Variants in PACSIN2 observed in about 807,000 individuals in gnomAD.
The protein encoded by PACSIN2 is protein kinase C and casein kinase substrate in neurons protein 2.
In PACSIN2, 25 loss-of-function variants were observed where a neutral mutation model predicts 63.8. The observed-to-expected ratio is 0.39, with a 90% CI of 0.29 to 0.55. The LOEUF is 0.55. PACSIN2 is among the 20% of genes least tolerant of loss of function. The probability of loss-of-function intolerance (pLI) is 0.62; values close to 1 mark genes in which losing one functional copy is unlikely to be tolerated. For missense variants in PACSIN2, 518 were observed against 646.9 expected (o/e 0.80, Z 2.16); for synonymous variants, 255 against 256.2 (o/e 1.00, Z 0.05).
intron 1 of PACSIN2, among the ~76,000 whole-genome samples, chr22:42,995,130 A>G (rs968564607): frequency 2.6e-5 from 4 of 152,220 alleles, no homozygotes; most frequent in African/African-American, 9.6e-5. Context: ...AAGACTGGAC[A>G]CTGCAACGTT....
intron 1 of PACSIN2, among the ~76,000 whole-genome samples, chr22:42,937,449 G>A (rs183907499): frequency 6.2e-4 from 94 of 152,228 alleles, no homozygotes; most frequent in Non-Finnish European, 1.1e-3. Context: ...GGGCACCGAA[G>A]ACAAAACAAA....
rs1274097775 is a variant in PACSIN2 at position 42,876,144 on chromosome 22, G to T, written c.1341C>A (p.Phe447Leu). ...YEGQEHDELSFKAGDELTKME... is the reference protein window; with the variant it reads ...YEGQEHDELSLKAGDELTKME... ...CTGGGGGAGCCCACCTACCAGCCTT[G>T]AAGCTCAGCTCATCATGCTCCTGCC... The change falls in exon 10 of 11, where the codon TTC (phenylalanine) becomes TTA (leucine). Residue 447 changes from phenylalanine to leucine, a missense_variant. Physicochemically the swap from Phe to Leu is conservative, Grantham distance 22. Around this residue, in one of 2 missense-constraint regions of PACSIN2, gnomAD observed 507 missense variants for 612.3 expected, o/e 0.83. Transcript: ENST00000263246. The T allele has an allele frequency of 9.9e-6, 16 of 1,609,758 alleles. No homozygotes were observed. Among genetic ancestry groups the T allele is most frequent in the African/African-American group, 1.3e-5 (1 of 74,872 alleles).
At chr22:42,892,126 TC>T (rs149324326) in intron 3 of PACSIN2, among the ~76,000 whole-genome samples, 84 of 151,898 alleles carry the variant, frequency 5.5e-4, no homozygotes, top group African/African-American at 1.9e-3. Flanking sequence ...CTGTTCTCAG[TC>T]CCCGAGGCTC....
chr22:43,001,832 A>T (rs754809988), intron 1 of PACSIN2, among the ~76,000 whole-genome samples: 1 of 152,174 alleles, frequency 6.6e-6, no homozygotes, highest in Non-Finnish European at 1.5e-5. Context: ...TAGGGAGGGG[A>T]CCCAGGGGTA....
At chr22:42,909,636 G>T in intron 2 of PACSIN2, 1 of 469,804 alleles carries the variant, frequency 2.1e-6, no homozygotes, top group Admixed American at 2.4e-5. Context: ...GGCAAAAGGA[G>T]ATGTTCTTGT....
chr22:42,871,125 G>A lies in PACSIN2; in HGVS notation c.*232C>T. On this transcript the variant is annotated 3_prime_UTR_variant, in exon 11 of 11. Coordinates refer to ENST00000263246, the MANE Select transcript of PACSIN2 (RefSeq NM_001184970.3). The surrounding 1 kb of genome is among the most constrained non-coding windows in gnomAD (Gnocchi z 5.4). ...CCAACAGGCACAGTGGGCGGGGAGG[G>A]GCGGCTATTTCTGTTGTTCTGCGTC... is the stretch of plus-strand genomic sequence containing the variant. The A allele has an allele frequency of 1.8e-6, 1 of 567,536 alleles. No individual in the cohort carries two copies. The highest frequency in any genetic ancestry group is 2.1e-5 in the South Asian group (1 of 48,566). The allele number at this position is 567,536 out of a possible 1,614,324, so 35.2% of individuals were successfully genotyped here. A position where few individuals can be genotyped will look rare whatever the true frequency, so the allele number is the denominator to read the frequency against.
intron 1 of PACSIN2, among the ~76,000 whole-genome samples, chr22:42,925,004 A>ACC (rs1932446226): frequency 6.6e-6 from 1 of 151,508 alleles, no homozygotes; most frequent in Non-Finnish European, 1.5e-5. Context: ...TGATCGGCCC[A>ACC]AAGTGCTGGG....
chr22:42,907,023 G>A (rs1931121773), intron 2 of PACSIN2, among the ~76,000 whole-genome samples: 1 of 152,172 alleles, frequency 6.6e-6, no homozygotes, highest in African/African-American at 2.4e-5. Flanking sequence ...GAGCAGTCAG[G>A]GAAGGCTCTT....
At chr22:42,892,421 G>T (rs1429365430) in intron 3 of PACSIN2, among the ~76,000 whole-genome samples, 1 of 152,162 alleles carries the variant, frequency 6.6e-6, no homozygotes, top group Non-Finnish European at 1.5e-5. Flanking sequence ...GTGCCTTCGT[G>T]TCTACAAAAT....
chr22:42,909,768 T>C (rs952340755), intron 2 of PACSIN2, among the ~76,000 whole-genome samples: 2 of 152,250 alleles, frequency 1.3e-5, no homozygotes, highest in African/African-American at 4.8e-5. Flanking sequence ...CACCTGAATG[T>C]TTTTTAACAA....
intron 1 of PACSIN2, among the ~76,000 whole-genome samples, chr22:42,928,191 G>A (rs1017208517): frequency 6.6e-5 from 10 of 152,222 alleles, no homozygotes; most frequent in African/African-American, 2.4e-4. Context: ...AACACACCCG[G>A]AGAGGCATAG....
chr22:42,890,563 CAA>C (rs1929831207), intron 4 of PACSIN2, among the ~76,000 whole-genome samples: 1 of 152,098 alleles, frequency 6.6e-6, no homozygotes, highest in African/African-American at 2.4e-5. Context: ...ACTAAAAATA[CAA>C]AAATTAGCAG....
chr22:42,882,090 A>C, intron 7 of PACSIN2, 94 bp downstream of exon 7: 1 of 1,430,456 alleles, frequency 7.0e-7, no homozygotes, highest in Non-Finnish European at 9.8e-7. Context: ...AAACACTAAC[A>C]TAGAGTCTAG....
chr22:42,904,267 G>T (rs780684858), intron 2 of PACSIN2, among the ~76,000 whole-genome samples: 1 of 152,226 alleles, frequency 6.6e-6, no homozygotes, highest in African/African-American at 2.4e-5. Context: ...CCTACATGGC[G>T]TTCACATGCA....
At chr22:42,949,493 C>G (rs1422785667) in intron 1 of PACSIN2, among the ~76,000 whole-genome samples, 6 of 152,062 alleles carry the variant, frequency 3.9e-5, no homozygotes, top group African/African-American at 1.4e-4. Flanking sequence ...TTTTGTGATG[C>G]TAGCTGCCTA....
intron 1 of PACSIN2, among the ~76,000 whole-genome samples, chr22:42,967,143 C>T (rs921115553): frequency 2.0e-5 from 3 of 152,048 alleles, no homozygotes; most frequent in African/African-American, 7.2e-5. Flanking sequence ...GAAGGTGGGG[C>T]TGGGACAGGG....
Position 42,912,160 on chromosome 22 carries a change from A to G in PACSIN2, c.-77-3T>C. On this transcript the variant is annotated splice_region_variant and splice_polypyrimidine_tract_variant and intron_variant, in intron 1 of 10. Transcript: ENST00000263246. ...ACGCTCAAAATCTGTAGACAAACCT[A>G]TAAATGAAAAACATATAACATAGTG... The G allele has an allele frequency of 2.1e-6, 2 of 937,068 alleles. No homozygotes were observed. Among genetic ancestry groups the G allele is most frequent in the Non-Finnish European group, 3.3e-6 (2 of 614,250 alleles). 58.0% of individuals were successfully genotyped at this position (937,068 alleles called of 1,614,324 possible).
chr22:42,898,050 G>T (rs1365112294), intron 2 of PACSIN2, among the ~76,000 whole-genome samples: 4 of 151,968 alleles, frequency 2.6e-5, no homozygotes. Flanking sequence ...GCTGGCGGGG[G>T]TGGGGACATC....
At chr22:42,893,653 C>G (rs764317132) in intron 2 of PACSIN2, 40 bp from the exon 3 acceptor site, 1 of 1,597,810 alleles carries the variant, frequency 6.3e-7, no homozygotes, top group Admixed American at 1.7e-5. Flanking sequence ...GGGCTTGGGG[C>G]AGCCTGTCCT....
Sources: allele counts gnomAD v4.1 joint callset (sites outside exome capture counted in the v4.1 genomes callset), GRCh38; gene constraint gnomAD v4.1.1; regional missense constraint gnomAD v4.1.1; non-coding constraint Gnocchi (gnomAD v3.1); transcripts MANE v1.5; gene names NCBI Gene and HGNC (gene_info 2026-07-23, HGNC 2026-07-21).